The following PXK variants were observed in gnomAD, a reference collection of about 807,000 sequenced individuals.
PXK encodes the protein PX domain-containing protein kinase-like protein.
A neutral mutation model predicts 84.7 loss-of-function variants in PXK; 35 were observed. That is an observed-to-expected ratio of 0.41 (90% confidence interval 0.32 to 0.55). The LOEUF (loss-of-function observed/expected upper bound fraction) is 0.55. PXK is among the 20% of genes least tolerant of loss of function. The pLI is 0.21. For synonymous variants in PXK, 253 were observed against 260.8 expected (o/e 0.97, Z 0.29); for missense variants, 634 against 699.7 (o/e 0.91, Z 1.06).
At chr3:58,335,666 G>T (rs2097579439) in intron 1 of PXK, among the ~76,000 whole-genome samples, 1 of 152,138 alleles carries the variant, frequency 6.6e-6, no homozygotes, top group Admixed American at 6.6e-5. Context: ...CTTGGCTGTA[G>T]ACAGAAACAT....
chr3:58,350,792 G>C (rs1477789501), intron 1 of PXK, among the ~76,000 whole-genome samples: 1 of 152,196 alleles, frequency 6.6e-6, no homozygotes, highest in Admixed American at 6.5e-5. Context: ...ATATGTGTCT[G>C]CATGGCATGT....
In PXK at chr3:58,361,295, C is replaced by CAAA. The variant is rs149879171; in HGVS notation, c.103-4557_103-4555dup. 5.1e-4 allele frequency among the ~76,000 whole-genome samples: 33 copies of CAAA among 64,766 alleles called. 2 individuals carry two copies. Among genetic ancestry groups the CAAA allele is most frequent in the African/African-American group, 1.9e-3 (29 of 14,888 alleles). 42.5% of individuals were successfully genotyped at this position (64,766 alleles called of 152,430 possible). On this transcript the variant is annotated intron_variant, in intron 1 of 17. Coordinates refer to ENST00000356151, the MANE Select transcript of PXK (RefSeq NM_017771.5). ...TGGGTGACAGAGCAAGACTCTGTCT[C>CAAA]AAAAAAAAAAAAAAAAAAAAAAAAT...
Position 58,397,423 on chromosome 3 carries a change from G to A in PXK, c.985-182G>A, listed in dbSNP as rs1323895688. ...ACTGATTGGAAAACTGTGGAGGGTC[G>A]GACCAAGACCTTTGGGATACCTCAT... On this transcript the variant is annotated intron_variant, in intron 10 of 17. Coordinates refer to ENST00000356151, the MANE Select transcript of PXK (RefSeq NM_017771.5). This position sits in a 1 kb window ranked among gnomAD's most constrained non-coding sequence, Gnocchi z 4.7. Among the ~76,000 whole-genome samples, 2 of 152,084 alleles carry A rather than the reference G, an allele frequency of 1.3e-5. No individual in the cohort carries two copies. Among genetic ancestry groups the A allele is most frequent in the East Asian group, 1.9e-4 (1 of 5,182 alleles).
Position 58,403,872 on chromosome 3 carries a change from G to T in PXK, c.1192G>T (p.Asp398Tyr), listed in dbSNP as rs752794169. The T allele has an allele frequency of 3.2e-6, 5 of 1,542,896 alleles. No homozygotes were observed. The highest frequency in any genetic ancestry group is 1.3e-5 in the South Asian group (1 of 77,706). Residue 398 changes from aspartate to tyrosine, a missense_variant, in exon 13 of 18, where the codon GAT becomes TAT. By Grantham distance (160) the Asp-to-Tyr change is radical. Around this residue, in one of 3 missense-constraint regions of PXK, gnomAD observed 273 missense variants for 283.6 expected, o/e 0.96. Transcript: ENST00000356151. ...SRLLQMPLFSDVLLTTSEKPQ... is the reference protein window; with the variant it reads ...SRLLQMPLFSYVLLTTSEKPQ... The stretch of plus-strand genomic sequence containing the variant: ...TTCTTTTCTTTACAGATTATTCAGC[G>T]ATGTTTTACTAACCACTTCTGAAAA...
Position 58,421,109 on chromosome 3 carries a change from C to T in PXK, c.1529-3643C>T, listed in dbSNP as rs62258139. The T allele has an allele frequency of 0.35, 350,372 of 991,208 alleles. 63,966 individuals are homozygous for T. The highest frequency in any genetic ancestry group is 0.41 in the Middle Eastern group (781 of 1,928). 61.4% of individuals were successfully genotyped at this position (991,208 alleles called of 1,614,324 possible). ...AAGCCAAAGGAGAAGGTGGTTCTCC[C>T]GAGAGCTGGGGGCTTGCCTGCTTCG... On this transcript the variant is annotated intron_variant, in intron 17 of 17. Transcript: ENST00000356151. The surrounding 1 kb of genome is among the most constrained non-coding windows in gnomAD (Gnocchi z 5.5).
At chr3:58,420,547 C>T (rs1006352804) in intron 17 of PXK, 1 of 1,535,842 alleles carries the variant, frequency 6.5e-7, no homozygotes, top group Non-Finnish European at 8.7e-7. Flanking sequence ...AGAGCATGCA[C>T]CATTTTGAAC....
Position 58,397,069 on chromosome 3 carries a change from C to T in PXK, c.853C>T (p.Pro285Ser). 1 of 1,614,116 alleles carries T rather than the reference C, an allele frequency of 6.2e-7. No homozygotes were observed. The highest frequency in any genetic ancestry group is 8.5e-7 in the Non-Finnish European group (1 of 1,180,012). ...VLKFLHDKGF[P>S]YGHLHASNVM... Reference sequence around the variant, plus strand: ...GAAGTTTCTTCATGACAAGGGATTCCCTTATGGGCATCTTCACGCCTCCAA... The same window carrying T: ...GAAGTTTCTTCATGACAAGGGATTCTCTTATGGGCATCTTCACGCCTCCAA... The change falls in exon 10 of 18, where the codon CCT becomes TCT. Residue 285 changes from proline (P) to serine (S), a missense_variant. Around this residue, in one of 3 missense-constraint regions of PXK, gnomAD observed 353 missense variants for 385.2 expected, o/e 0.92. Coordinates refer to ENST00000356151, the MANE Select transcript of PXK (RefSeq NM_017771.5). The surrounding 1 kb of genome is among the most constrained non-coding windows in gnomAD (Gnocchi z 4.7).
In PXK at chr3:58,370,550, A is replaced by C. The variant is rs76015666; in HGVS notation, c.201+1072A>C. Among the ~76,000 whole-genome samples, 2,149 of 152,276 alleles carry C rather than the reference A, an allele frequency of 0.014. 62 individuals are homozygous for C. Among genetic ancestry groups the C allele is most frequent in the African/African-American group, 0.049 (2,021 of 41,552 alleles). ...GAGGTAAAGGACTCAGCCAGGAGGGAAAGGACTGCTCCCGTCATTGGTGAG... is the reference window on the plus strand; with the variant it reads ...GAGGTAAAGGACTCAGCCAGGAGGGCAAGGACTGCTCCCGTCATTGGTGAG... On this transcript the variant is annotated intron_variant, in intron 3 of 17. Coordinates refer to ENST00000356151, the MANE Select transcript of PXK (RefSeq NM_017771.5). This position sits in a 1 kb window ranked among gnomAD's most constrained non-coding sequence, Gnocchi z 4.2.
At position 58,383,038 on chromosome 3, in the gene PXK, T is replaced by C. The variant is rs1320888382; in HGVS notation, c.388+338T>C. ...CAGACGCGGTGGCTCATGCCTATAATCCCAGCACTTTGGGAGGCCAAGGCG... is the reference window on the plus strand; with the variant it reads ...CAGACGCGGTGGCTCATGCCTATAACCCCAGCACTTTGGGAGGCCAAGGCG... On this transcript the variant is annotated intron_variant, in intron 4 of 17. Transcript: ENST00000356151. The surrounding 1 kb of genome is among the most constrained non-coding windows in gnomAD (Gnocchi z 4.0). Among the ~76,000 whole-genome samples the C allele has an allele frequency of 6.6e-6, 1 of 152,212 alleles. No homozygotes were observed. The highest frequency in any genetic ancestry group is 1.5e-5 in the Non-Finnish European group (1 of 68,030).
At position 58,390,749 on chromosome 3, in the gene PXK, G is replaced by A; in HGVS notation, c.466+90G>A. On this transcript the variant is annotated intron_variant, in intron 5 of 17. Transcript: ENST00000356151. The surrounding 1 kb of genome is among the most constrained non-coding windows in gnomAD (Gnocchi z 4.2). ...TTTCTGATACGTATCCCAGGAACATGCTTAAATGCAGGTGACTTCTTTTTC... is the reference window on the plus strand; with the variant it reads ...TTTCTGATACGTATCCCAGGAACATACTTAAATGCAGGTGACTTCTTTTTC... 2 of 1,250,102 alleles carry A rather than the reference G, an allele frequency of 1.6e-6. No individual in the cohort carries two copies. Among genetic ancestry groups the A allele is most frequent in the Non-Finnish European group, 2.2e-6 (2 of 889,552 alleles). The allele number at this position is 1,250,102 out of a possible 1,614,324, so 77.4% of individuals were successfully genotyped here.
At chr3:58,378,557 G>A (rs71311863) in intron 3 of PXK, among the ~76,000 whole-genome samples, 6 of 101,822 alleles carry the variant, frequency 5.9e-5, no homozygotes, top group Admixed American at 1.3e-4. Context: ...TGTGTGTGAC[G>A]AAGTTTCGCT....
intron 12 of PXK, 49 bp from the exon 13 acceptor site, chr3:58,403,813 G>T: frequency 7.9e-7 from 1 of 1,268,680 alleles, no homozygotes; most frequent in South Asian, 1.5e-5. Context: ...CCTAGTCTGA[G>T]AGTGCACGTG....
chr3:58,422,175 A>C (rs2061987783), intron 17 of PXK: 6 of 985,260 alleles, frequency 6.1e-6, no homozygotes, highest in Non-Finnish European at 7.2e-6. Flanking sequence ...CAAAAGGAAA[A>C]GCCAAAAACA....
chr3:58,375,236 A>G (rs746162441), intron 3 of PXK, among the ~76,000 whole-genome samples: 1 of 152,230 alleles, frequency 6.6e-6, no homozygotes, highest in Non-Finnish European at 1.5e-5. Context: ...GGATGCTGCT[A>G]TGCGGTAGTG....
chr3:58,356,868 T>C (rs2098090848), intron 1 of PXK, among the ~76,000 whole-genome samples: 1 of 150,112 alleles, frequency 6.7e-6, no homozygotes, highest in Non-Finnish European at 1.5e-5. Context: ...TCCAAAGTGC[T>C]GGGATTAGAG....
At position 58,389,680 on chromosome 3, in the gene PXK, A is replaced by AC. The variant is rs142993047; in HGVS notation, c.389-902_389-901insC. Among the ~76,000 whole-genome samples, 1,161 of 146,484 alleles carry AC rather than the reference A, an allele frequency of 7.9e-3. 18 individuals are homozygous for AC. The highest frequency in any genetic ancestry group is 0.056 in the East Asian group (274 of 4,866). ...CACTAAAAAAAACAAAAACAAACAA[A>AC]AAAAAAAACCACACGCACCAGAAAT... is the stretch of plus-strand genomic sequence containing the variant. On this transcript the variant is annotated intron_variant, in intron 4 of 17. Coordinates refer to ENST00000356151, the MANE Select transcript of PXK (RefSeq NM_017771.5).
chr3:58,414,464 G>C lies in PXK; in HGVS notation c.1528+1501G>C, dbSNP rs922991092. 3 of 152,162 alleles carry C rather than the reference G, an allele frequency of 2.0e-5. No homozygotes were observed. Among genetic ancestry groups the C allele is most frequent in the Admixed American group, 6.5e-5 (1 of 15,282 alleles). The allele number at this position is 152,162 out of a possible 1,614,324, so 9.4% of individuals were successfully genotyped here. Reference sequence around the variant, plus strand: ...CTCTAATTTATCTGTGTTTAAATGGGTGCTGTCTCATACAGTAGTAAGTTT... The same window carrying C: ...CTCTAATTTATCTGTGTTTAAATGGCTGCTGTCTCATACAGTAGTAAGTTT... On this transcript the variant is annotated intron_variant, in intron 17 of 17. Transcript: ENST00000356151. The surrounding 1 kb of genome is among the most constrained non-coding windows in gnomAD (Gnocchi z 4.5).
In PXK at chr3:58,333,218, C is replaced by A; in HGVS notation, c.102+128C>A. The A allele has an allele frequency of 4.2e-6, 2 of 478,232 alleles. No individual in the cohort carries two copies. The highest frequency in any genetic ancestry group is 5.5e-6 in the Non-Finnish European group (2 of 362,342). The allele number at this position is 478,232 out of a possible 1,614,324, so 29.6% of individuals were successfully genotyped here. A position where few individuals can be genotyped will look rare whatever the true frequency, so the allele number is the denominator to read the frequency against. On this transcript the variant is annotated intron_variant, in intron 1 of 17. Transcript: ENST00000356151. The surrounding 1 kb of genome is among the most constrained non-coding windows in gnomAD (Gnocchi z 5.4). ...CGGGCCACAGGGTGGGCGGCCCTGG[C>A]CGAGAAGGCTGTGGCGCGCCGCTGG...
intron 1 of PXK, among the ~76,000 whole-genome samples, chr3:58,347,548 T>C (rs2097846655): frequency 6.6e-6 from 1 of 152,258 alleles, no homozygotes; most frequent in Non-Finnish European, 1.5e-5. Context: ...GAAATTCTTC[T>C]ATGATGTTAT....
Sources: allele counts gnomAD v4.1 joint callset (sites outside exome capture counted in the v4.1 genomes callset), GRCh38; gene constraint gnomAD v4.1.1; regional missense constraint gnomAD v4.1.1; non-coding constraint Gnocchi (gnomAD v3.1); transcripts MANE v1.5; gene names NCBI Gene and HGNC (gene_info 2026-07-23, HGNC 2026-07-21).